WWOX: variants seen among roughly 807,000 people sequenced by gnomAD.
The protein encoded by WWOX is WW domain-containing oxidoreductase.
Under a neutral mutation model 46.2 loss-of-function variants are expected in WWOX, and 69 were observed. The ratio of observed to expected loss-of-function variants is 1.49; its 90% CI spans 1.23 to 1.82. The LOEUF (loss-of-function observed/expected upper bound fraction) is 1.82, where lower values mean the gene tolerates loss of function less well. WWOX is among the 40% of genes most tolerant of loss of function. The pLI, the probability that WWOX is intolerant of heterozygous loss-of-function variation, is 0.00. For synonymous variants in WWOX, 359 were observed against 202.6 expected (o/e 1.77, Z -6.56); for missense variants, 919 against 542.6 (o/e 1.69, Z -6.89).
intron 8 of WWOX, among the ~76,000 whole-genome samples, chr16:78,508,531 T>G (rs2151483501): frequency 6.6e-6 from 1 of 152,190 alleles, no homozygotes; most frequent in Admixed American, 6.5e-5. Context: ...TGTCGGAGTG[T>G]TCTCTAGACC....
At chr16:78,743,428 T>A (rs2049277438) in intron 8 of WWOX, among the ~76,000 whole-genome samples, 1 of 152,252 alleles carries the variant, frequency 6.6e-6, no homozygotes, top group Non-Finnish European at 1.5e-5. Context: ...ATGATGAGGA[T>A]TCGGTGTCTA....
At chr16:78,104,847 A>G (rs570786576) in intron 1 of WWOX, among the ~76,000 whole-genome samples, 7 of 152,352 alleles carry the variant, frequency 4.6e-5, no homozygotes, top group South Asian at 4.1e-4. Context: ...TCGGTTCTCT[A>G]TAACCCCAAG....
chr16:79,124,077 C>T (rs987441733), intron 8 of WWOX, among the ~76,000 whole-genome samples: 4 of 151,882 alleles, frequency 2.6e-5, no homozygotes, highest in South Asian at 4.2e-4. Flanking sequence ...TCGGAGCACT[C>T]GTGCTCTGAA....
chr16:78,465,754 G>A (rs981558357), intron 8 of WWOX, among the ~76,000 whole-genome samples: 5 of 152,186 alleles, frequency 3.3e-5, no homozygotes, highest in Non-Finnish European at 7.3e-5. Context: ...GGCACCAGTA[G>A]TGTAATCACC....
At chr16:78,355,365 G>T (rs939460576) in intron 5 of WWOX, among the ~76,000 whole-genome samples, 2 of 152,198 alleles carry the variant, frequency 1.3e-5, no homozygotes, top group African/African-American at 4.8e-5. Context: ...CACTTTGGGA[G>T]GCTGAGGCGG....
chr16:78,759,603 A>G (rs758377521), intron 8 of WWOX, among the ~76,000 whole-genome samples: 1 of 152,170 alleles, frequency 6.6e-6, no homozygotes, highest in Non-Finnish European at 1.5e-5. Flanking sequence ...CAATCTGTGG[A>G]TGAGAAATGG....
chr16:78,376,186 AC>A (rs1291546322), intron 5 of WWOX, among the ~76,000 whole-genome samples: 1 of 152,160 alleles, frequency 6.6e-6, no homozygotes, highest in East Asian at 1.9e-4. Flanking sequence ...TTTCACAGTA[AC>A]TTCAAGGAAG....
chr16:78,576,319 C>G (rs558635439), intron 8 of WWOX, among the ~76,000 whole-genome samples: 1 of 152,310 alleles, frequency 6.6e-6, no homozygotes, highest in South Asian at 2.1e-4. Context: ...AGCTTTCTTT[C>G]TTTTATTCAA....
chr16:78,265,110 CCTT>C (rs1364590553), intron 5 of WWOX, among the ~76,000 whole-genome samples: 17 of 151,392 alleles, frequency 1.1e-4, no homozygotes, highest in Middle Eastern at 3.5e-3. Flanking sequence ...AAGTGATTCT[CCTT>C]CTTCAGCCTC....
intron 8 of WWOX, among the ~76,000 whole-genome samples, chr16:78,716,847 G>A (rs1188154375): frequency 1.3e-5 from 2 of 152,194 alleles, no homozygotes; most frequent in South Asian, 4.1e-4. Context: ...AACCACAGCT[G>A]TGTGCAGCTT....
chr16:78,885,612 C>G (rs1380449556), intron 8 of WWOX, among the ~76,000 whole-genome samples: 2 of 152,160 alleles, frequency 1.3e-5, no homozygotes, highest in Non-Finnish European at 2.9e-5. Flanking sequence ...ACTAGAGCCT[C>G]AGTCTCTGAT....
intron 8 of WWOX, among the ~76,000 whole-genome samples, chr16:78,441,123 A>G (rs1284600673): frequency 1.3e-5 from 2 of 151,856 alleles, no homozygotes; most frequent in African/African-American, 2.4e-5. Flanking sequence ...TTGTATTTTT[A>G]GTAGAGACGG....
chr16:79,033,116 C>T (rs548315637), intron 8 of WWOX, among the ~76,000 whole-genome samples: 37 of 148,646 alleles, frequency 2.5e-4, no homozygotes, highest in African/African-American at 8.3e-4. Context: ...TTTTTTAAGG[C>T]TGCATAGTAT....
At chr16:78,982,624 C>T (rs754367441) in intron 8 of WWOX, among the ~76,000 whole-genome samples, 1 of 152,094 alleles carries the variant, frequency 6.6e-6, no homozygotes, top group Non-Finnish European at 1.5e-5. Context: ...CAGGAGCAGG[C>T]AGAGAAGGAG....
At chr16:78,504,857 A>G (rs1259035287) in intron 8 of WWOX, among the ~76,000 whole-genome samples, 1 of 152,112 alleles carries the variant, frequency 6.6e-6, no homozygotes, top group Non-Finnish European at 1.5e-5. Flanking sequence ...ACTTTCTAGA[A>G]TATCTCGAGT....
At chr16:79,011,132 C>T (rs964061524) in intron 8 of WWOX, among the ~76,000 whole-genome samples, 4 of 99,470 alleles carry the variant, frequency 4.0e-5, no homozygotes, top group African/African-American at 1.7e-4. Context: ...CTCACTCACA[C>T]ATCCACACAC....
chr16:78,955,588 TCTTTTAA>T (rs2046149349), intron 8 of WWOX, among the ~76,000 whole-genome samples: 1 of 152,162 alleles, frequency 6.6e-6, no homozygotes, highest in Admixed American at 6.5e-5. Context: ...TTATGAAACC[TCTTTTAA>T]CTTTATTTTT....
chr16:78,369,154 G>C (rs1022833979), intron 5 of WWOX, among the ~76,000 whole-genome samples: 1 of 151,836 alleles, frequency 6.6e-6, no homozygotes, highest in African/African-American at 2.4e-5. Context: ...GGAAAATTAG[G>C]AGCATCATAG....
At chr16:78,582,070 G>C (rs148196732) in intron 8 of WWOX, among the ~76,000 whole-genome samples, 23 of 152,188 alleles carry the variant, frequency 1.5e-4, no homozygotes, top group African/African-American at 5.1e-4. Context: ...AGGAACGCTG[G>C]GTGCAGAAGC....
Sources: gnomAD v4.1 joint callset for allele counts (sites outside exome capture counted in the v4.1 genomes callset) on GRCh38, gnomAD v4.1.1 for gene constraint, MANE v1.5 for transcripts, NCBI Gene and HGNC (gene_info 2026-07-23, HGNC 2026-07-21) for gene names.